DEFB116: variants seen among roughly 807,000 people sequenced by gnomAD.
DEFB116 encodes the protein defensin beta 116.
Under a neutral mutation model 2.8 loss-of-function variants are expected in DEFB116, and 5 were observed. That is an observed-to-expected ratio of 1.80 (90% confidence interval 0.94 to 3.79). The LOEUF (loss-of-function observed/expected upper bound fraction) is 3.79. DEFB116 is among the 30% of genes most tolerant of loss of function. The probability of loss-of-function intolerance (pLI) is 0.00; values close to 1 mark genes in which losing one functional copy is unlikely to be tolerated. For missense variants in DEFB116, 170 were observed against 118.0 expected (o/e 1.44, Z -2.04); for synonymous variants, 56 against 40.8 (o/e 1.37, Z -1.42).
intron 1 of DEFB116, among the ~76,000 whole-genome samples, chr20:31,308,164 C>T (rs893894226): frequency 1.3e-5 from 2 of 152,062 alleles, no homozygotes; most frequent in African/African-American, 4.8e-5. Flanking sequence ...ACCTCAACTC[C>T]CTACCCAACT....
At chr20:31,303,736 A>G (rs561310910) in intron 1 of DEFB116, among the ~76,000 whole-genome samples, 123 of 152,264 alleles carry the variant, frequency 8.1e-4, no homozygotes, top group African/African-American at 2.8e-3. Context: ...GTATTTTCAA[A>G]AAAGCATCTG....
rs770528706 is a variant in DEFB116, at chr20:31,303,369, CA to C, written c.151del (p.Cys51AlafsTer9). 1.7e-5 allele frequency: 28 copies of C among 1,613,612 alleles called. 1 individual carries two copies. In the South Asian group the frequency reaches 2.6e-4, roughly 15 times the overall value. On this transcript the variant is annotated frameshift_variant, in exon 2 of 2. Transcript: ENST00000400549. LOFTEE classifies it low-confidence loss of function (END_TRUNC). ...TAAGTATTGGATTTCATATTCTCTGCAGGCGTTTCTGCACATGCCTTGGTAA... is the reference window on the plus strand; with the variant it reads ...TAAGTATTGGATTTCATATTCTCTGCGGCGTTTCTGCACATGCCTTGGTAA... ...ELYQGMCRNA[C>X]REYEIQYLTC...
At chr20:31,308,398 C>T (rs6121355) in intron 1 of DEFB116, 121 bp downstream of exon 1, 1 of 917,664 alleles carries the variant, frequency 1.1e-6, no homozygotes, top group Non-Finnish European at 1.8e-6. Context: ...TGTGACCCAC[C>T]TGAGACCAGA....
chr20:31,308,469 A>G, intron 1 of DEFB116, 50 bp downstream of exon 1: 3 of 1,590,970 alleles, frequency 1.9e-6, no homozygotes, highest in Non-Finnish European at 2.6e-6. Context: ...TCACCAAGAT[A>G]CCAGTACCAC....
chr20:31,304,208 G>C (rs561347256), intron 1 of DEFB116, among the ~76,000 whole-genome samples: 1 of 152,214 alleles, frequency 6.6e-6, no homozygotes, highest in East Asian at 1.9e-4. Context: ...TCATCCAGGT[G>C]TGTACATGAG....
At chr20:31,306,041 C>G (rs1984984792) in intron 1 of DEFB116, among the ~76,000 whole-genome samples, 1 of 152,050 alleles carries the variant, frequency 6.6e-6, no homozygotes, top group African/African-American at 2.4e-5. Flanking sequence ...GCAAATTAAA[C>G]TGTCTTAAGT....
In DEFB116 at chr20:31,308,498, T is replaced by A. The variant is rs754896592; in HGVS notation, c.67+21A>T. On this transcript the variant is annotated intron_variant, in intron 1 of 1. Coordinates refer to ENST00000400549, the MANE Select transcript of DEFB116 (RefSeq NM_001037731.1). ...GTACCACATGCAAGACGCCAGAACC[T>A]TTGAGAGAGGCCTGAGTTACCTGGA... 3.7e-6 allele frequency: 6 copies of A among 1,612,912 alleles called. No individual in the cohort carries two copies. In the South Asian group the frequency reaches 5.5e-5, roughly 15 times the overall value.
At chr20:31,303,542 T>C (rs1984931423) in intron 1 of DEFB116, 89 bp from the exon 2 acceptor site, 2 of 1,508,662 alleles carry the variant, frequency 1.3e-6, no homozygotes, top group Admixed American at 2.1e-5. Flanking sequence ...CCTAAGACTA[T>C]TAAGGGCACA....
At position 31,308,534 on chromosome 20, in the gene DEFB116, C is replaced by T. The variant is rs780228144; in HGVS notation, c.52G>A (p.Ala18Thr). Residue 18 changes from alanine (A) to threonine (T), a missense_variant, in exon 1 of 2, where the codon GCT (alanine) becomes ACT (threonine). Physicochemically the swap from Ala to Thr is moderately conservative, Grantham distance 58 (BLOSUM62 0). Transcript: ENST00000400549. ...CCTGAGTTACCTGGAGTCTTTTGAG[C>T]CAGGATCATAAGGATGGCAATGGTC... ...LMTIAILMIL[A>T]QKTPGGLFRS... is the part of the protein sequence containing the mutation. The T allele has an allele frequency of 1.2e-6, 2 of 1,613,326 alleles. No homozygotes were observed. Among genetic ancestry groups the T allele is most frequent in the African/African-American group, 1.3e-5 (1 of 74,836 alleles).
chr20:31,307,070 C>T (rs1433137810), intron 1 of DEFB116, among the ~76,000 whole-genome samples: 2 of 152,102 alleles, frequency 1.3e-5, no homozygotes, highest in Admixed American at 6.6e-5. Context: ...TTAATTTATA[C>T]ATTTTGATGA....
intron 1 of DEFB116, among the ~76,000 whole-genome samples, chr20:31,304,802 G>C (rs560394842): frequency 6.6e-6 from 1 of 152,028 alleles, no homozygotes; most frequent in Non-Finnish European, 1.5e-5. Context: ...TAAATAGATA[G>C]AGGTCTCCAA....
chr20:31,303,574 T>A, intron 1 of DEFB116, 121 bp from the exon 2 acceptor site: 3 of 1,374,390 alleles, frequency 2.2e-6, no homozygotes, highest in South Asian at 2.9e-5. Flanking sequence ...CAAAACTACC[T>A]AGATTCAAAT....
chr20:31,303,996 C>T (rs1984939838), intron 1 of DEFB116, among the ~76,000 whole-genome samples: 2 of 152,128 alleles, frequency 1.3e-5, no homozygotes, highest in African/African-American at 4.8e-5. Context: ...CTACAACTGT[C>T]TCTCTTTGTA....
chr20:31,303,486 G>T, intron 1 of DEFB116, 33 bp from the exon 2 acceptor site: 1 of 1,610,674 alleles, frequency 6.2e-7, no homozygotes, highest in Non-Finnish European at 8.5e-7. Context: ...TAGTTTCCAT[G>T]CAGCAGTGAT....
chr20:31,304,831 T>A lies in DEFB116; in HGVS notation c.68-1378A>T, dbSNP rs568588698. Among the ~76,000 whole-genome samples, 4 of 152,218 alleles carry A rather than the reference T, an allele frequency of 2.6e-5. No homozygotes were observed. The East Asian group carries it at 7.7e-4, about 29-fold the overall frequency. Reference sequence around the variant, plus strand: ...TCTCCAATTAATCAAATTTATTCACTATTAACATTAACGAAAATGGGACAA... The same window carrying A: ...TCTCCAATTAATCAAATTTATTCACAATTAACATTAACGAAAATGGGACAA... On this transcript the variant is annotated intron_variant, in intron 1 of 1. Coordinates refer to ENST00000400549, the MANE Select transcript of DEFB116 (RefSeq NM_001037731.1).
intron 1 of DEFB116, among the ~76,000 whole-genome samples, chr20:31,307,093 G>A (rs1276430689): frequency 6.6e-6 from 1 of 152,106 alleles, no homozygotes; most frequent in East Asian, 1.9e-4. Flanking sequence ...TTGGAGATAA[G>A]CATACATTAC....
At chr20:31,304,284 A>G (rs1984945425) in intron 1 of DEFB116, among the ~76,000 whole-genome samples, 1 of 152,120 alleles carries the variant, frequency 6.6e-6, no homozygotes. Context: ...TCAGCATTCT[A>G]TAAATATTAG....
chr20:31,303,289 A>G lies in DEFB116; in HGVS notation c.232T>C (p.Ser78Pro). 1 of 1,613,584 alleles carries G rather than the reference A, an allele frequency of 6.2e-7. No individual in the cohort carries two copies. Among genetic ancestry groups the G allele is most frequent in the Non-Finnish European group, 8.5e-7 (1 of 1,179,596 alleles). Residue 78 changes from serine to proline, a missense_variant, in exon 2 of 2, where the codon TCT becomes CCT. Physicochemically the swap from Ser to Pro is moderately conservative, Grantham distance 74 (BLOSUM62 -1). Transcript: ENST00000400549. ...CLKLSVKITSSKNVKEDYDSN... is the reference protein window; with the variant it reads ...CLKLSVKITSPKNVKEDYDSN... ...TCGTAATCCTCCTTCACATTTTTAG[A>G]ACTGGTTATTTTCACAGAAAGTTTC... is the stretch of plus-strand genomic sequence containing the variant.
At chr20:31,306,663 T>C (rs1359900751) in intron 1 of DEFB116, among the ~76,000 whole-genome samples, 1 of 151,472 alleles carries the variant, frequency 6.6e-6, no homozygotes, top group Non-Finnish European at 1.5e-5. Context: ...ATAGAAGGAA[T>C]ATGAGAAAAG....
Sources: gnomAD v4.1 joint callset for allele counts (sites outside exome capture counted in the v4.1 genomes callset) on GRCh38, gnomAD v4.1.1 for gene constraint, MANE v1.5 for transcripts, NCBI Gene and HGNC (gene_info 2026-07-23, HGNC 2026-07-21) for gene names.